C8orf34: variants seen among roughly 807,000 people sequenced by gnomAD.
The protein encoded by C8orf34 is uncharacterized protein C8orf34.
In C8orf34, 65 loss-of-function variants were observed where a neutral mutation model predicts 68.3. The ratio of observed to expected loss-of-function variants is 0.95; its 90% CI spans 0.78 to 1.17. The LOEUF is 1.17. C8orf34 is among the 50% of genes most tolerant of loss of function. The pLI is 0.00. For missense variants in C8orf34, 664 were observed against 655.4 expected (o/e 1.01, Z -0.14); for synonymous variants, 244 against 241.2 (o/e 1.01, Z -0.11).
chr8:68,484,038 G>C (rs1236478647), intron 4 of C8orf34, among the ~76,000 whole-genome samples: 1 of 152,222 alleles, frequency 6.6e-6, no homozygotes, highest in African/African-American at 2.4e-5. Context: ...TTGGCTTATG[G>C]TTTTGCAGGC....
intron 5 of C8orf34, among the ~76,000 whole-genome samples, chr8:68,518,277 C>T (rs1814602518): frequency 1.3e-5 from 2 of 152,172 alleles, no homozygotes; most frequent in Non-Finnish European, 2.9e-5. Context: ...CCATGTTGAG[C>T]TTCAGCTTCC....
intron 7 of C8orf34, among the ~76,000 whole-genome samples, chr8:68,592,213 G>A (rs1817410149): frequency 7.7e-6 from 1 of 129,428 alleles, no homozygotes; most frequent in African/African-American, 2.9e-5. Flanking sequence ...GACATCTATG[G>A]TAATATATTT....
chr8:68,520,290 A>T (rs1417257534), intron 5 of C8orf34, among the ~76,000 whole-genome samples: 2 of 152,094 alleles, frequency 1.3e-5, no homozygotes, highest in Non-Finnish European at 2.9e-5. Flanking sequence ...GTTCTAAATC[A>T]TATTTCATGT....
At chr8:68,815,835 C>A (rs367988289) in intron 12 of C8orf34, 51 bp from the exon 13 acceptor site, 25 of 1,612,886 alleles carry the variant, frequency 1.6e-5, no homozygotes, top group Non-Finnish European at 1.7e-5. Flanking sequence ...GGTATTTAAT[C>A]GATGATTTTT....
intron 1 of C8orf34, among the ~76,000 whole-genome samples, chr8:68,379,478 T>C (rs955233171): frequency 1.3e-5 from 2 of 152,240 alleles, no homozygotes; most frequent in African/African-American, 4.8e-5. Flanking sequence ...ACAGCAGCGC[T>C]GACTGAGATG....
intron 5 of C8orf34, among the ~76,000 whole-genome samples, chr8:68,497,354 G>A (rs1390467428): frequency 1.3e-5 from 2 of 152,158 alleles, no homozygotes; most frequent in Non-Finnish European, 2.9e-5. Flanking sequence ...ATCCCCATTT[G>A]TCAGATACTC....
At chr8:68,623,737 G>A (rs1818454222) in intron 7 of C8orf34, among the ~76,000 whole-genome samples, 1 of 151,896 alleles carries the variant, frequency 6.6e-6, no homozygotes, top group Non-Finnish European at 1.5e-5. Context: ...TCCTTGGGTG[G>A]CAGAAAGAAG....
intron 12 of C8orf34, among the ~76,000 whole-genome samples, chr8:68,806,327 A>C (rs758678457): frequency 2.6e-5 from 4 of 152,154 alleles, no homozygotes; most frequent in Non-Finnish European, 4.4e-5. Flanking sequence ...TAAATAAAAA[A>C]AAAGATTTGT....
At chr8:68,506,562 G>T (rs1240638584) in intron 5 of C8orf34, among the ~76,000 whole-genome samples, 2 of 151,722 alleles carry the variant, frequency 1.3e-5, no homozygotes, top group African/African-American at 4.8e-5. Context: ...CATTTTTATT[G>T]CTCATTTCTT....
At chr8:68,657,424 A>G (rs888323566) in intron 8 of C8orf34, among the ~76,000 whole-genome samples, 4 of 152,132 alleles carry the variant, frequency 2.6e-5, no homozygotes, top group Admixed American at 1.3e-4. Flanking sequence ...GGACATACAG[A>G]AGGCACTCTC....
At chr8:68,683,425 ACTGAT>A (rs1479435754) in intron 8 of C8orf34, among the ~76,000 whole-genome samples, 1 of 151,714 alleles carries the variant, frequency 6.6e-6, no homozygotes, top group Non-Finnish European at 1.5e-5. Flanking sequence ...AACGGGGAGT[ACTGAT>A]CTGTTTCTGT....
chr8:68,459,444 G>A (rs1182154509), intron 3 of C8orf34, among the ~76,000 whole-genome samples: 2 of 152,038 alleles, frequency 1.3e-5, no homozygotes, highest in Non-Finnish European at 2.9e-5. Context: ...TGTTGGCCAG[G>A]CTGGTCTCGA....
chr8:68,527,587 A>T (rs916464718), intron 6 of C8orf34, among the ~76,000 whole-genome samples: 4 of 152,164 alleles, frequency 2.6e-5, no homozygotes, highest in African/African-American at 4.8e-5. Flanking sequence ...AATAAAAAAT[A>T]AAAAATTAAT....
intron 5 of C8orf34, among the ~76,000 whole-genome samples, chr8:68,498,528 A>G (rs1009170408): frequency 1.3e-5 from 2 of 152,188 alleles, no homozygotes; most frequent in Non-Finnish European, 2.9e-5. Context: ...GAACAGCACC[A>G]CAGTCTGAAA....
At chr8:68,649,162 A>G (rs1182038272) in intron 8 of C8orf34, among the ~76,000 whole-genome samples, 7 of 152,206 alleles carry the variant, frequency 4.6e-5, no homozygotes, top group African/African-American at 7.2e-5. Context: ...TTTTTCATAA[A>G]GCTGACCTCC....
intron 1 of C8orf34, among the ~76,000 whole-genome samples, chr8:68,424,706 C>T (rs1810132347): frequency 6.6e-6 from 1 of 152,108 alleles, no homozygotes; most frequent in Non-Finnish European, 1.5e-5. Flanking sequence ...CTGGAACATC[C>T]TGGCTAACAC....
In C8orf34 at chr8:68,484,583, A is replaced by G. The variant is rs559668073; in HGVS notation, c.737-3440A>G. On this transcript the variant is annotated intron_variant, in intron 4 of 13. Transcript: ENST00000518698. ...TTCATTAACTTAAAAAAGAGTCTCA[A>G]TTTAAAATATGATACCTTTTAAAAG... 1.1e-4 allele frequency among the ~76,000 whole-genome samples: 17 copies of G among 152,292 alleles called. No homozygotes were observed. In the South Asian group the frequency reaches 2.3e-3, roughly 20 times the overall value.
chr8:68,633,777 GA>G (rs1264269128), intron 7 of C8orf34, among the ~76,000 whole-genome samples: 6 of 150,302 alleles, frequency 4.0e-5, no homozygotes, highest in African/African-American at 1.2e-4. Context: ...AGAAAGAGTA[GA>G]AAAAAGAGAG....
chr8:68,665,096 A>G (rs992154486), intron 8 of C8orf34, among the ~76,000 whole-genome samples: 2 of 152,194 alleles, frequency 1.3e-5, no homozygotes, highest in Admixed American at 6.5e-5. Context: ...GGTTCAATTT[A>G]TTGATGACAG....
Sources: gnomAD v4.1 joint callset for allele counts (sites outside exome capture counted in the v4.1 genomes callset) on GRCh38, gnomAD v4.1.1 for gene constraint, MANE v1.5 for transcripts, NCBI Gene and HGNC (gene_info 2026-07-23, HGNC 2026-07-21) for gene names.